Variants in IGF2BP3 observed in about 807,000 individuals in gnomAD.
IGF2BP3 encodes the protein insulin-like growth factor 2 mRNA-binding protein 3.
IGF2BP3 carries 9 observed loss-of-function variants against 73.8 expected under a neutral mutation model. The ratio of observed to expected loss-of-function variants is 0.12; its 90% CI spans 0.07 to 0.21. The LOEUF is 0.21. IGF2BP3 is among the 10% of genes least tolerant of loss of function. The probability of loss-of-function intolerance (pLI) is 1.00; values close to 1 mark genes in which losing one functional copy is unlikely to be tolerated. For missense variants in IGF2BP3, 542 were observed against 714.0 expected (o/e 0.76, Z 2.75); for synonymous variants, 258 against 256.7 (o/e 1.01, Z -0.05).
At chr7:23,462,496 G>T (rs12530654) in intron 2 of IGF2BP3, among the ~76,000 whole-genome samples, 1 of 151,808 alleles carries the variant, frequency 6.6e-6, no homozygotes, top group Non-Finnish European at 1.5e-5. Context: ...CGCGTAGCTG[G>T]GACTAAAGGC....
intron 3 of IGF2BP3, among the ~76,000 whole-genome samples, chr7:23,371,548 A>G (rs1785548673): frequency 6.6e-6 from 1 of 152,268 alleles, no homozygotes; most frequent in African/African-American, 2.4e-5. Context: ...ATATTTCTCT[A>G]AAATGTTAGC....
At chr7:23,332,741 T>A (rs1784474337) in intron 10 of IGF2BP3, among the ~76,000 whole-genome samples, 1 of 152,264 alleles carries the variant, frequency 6.6e-6, no homozygotes, top group South Asian at 2.1e-4. Flanking sequence ...TGGCCTTTTT[T>A]ATTTTATAAC....
chr7:23,391,519 C>T (rs1371293382), intron 3 of IGF2BP3, among the ~76,000 whole-genome samples: 1 of 152,166 alleles, frequency 6.6e-6, no homozygotes, highest in Non-Finnish European at 1.5e-5. Flanking sequence ...GGTTTAGACA[C>T]TCAGACTTTC....
At chr7:23,464,697 TAAATAAAAATAAAAATAA>T (rs553665310) in intron 2 of IGF2BP3, among the ~76,000 whole-genome samples, 2 of 147,118 alleles carry the variant, frequency 1.4e-5, no homozygotes, top group African/African-American at 2.5e-5. Context: ...AAAAAATAAA[TAAATAAAAATAAAAATAA>T]AAATAAAAAT....
At chr7:23,455,875 C>T (rs936297816) in intron 2 of IGF2BP3, among the ~76,000 whole-genome samples, 1 of 152,160 alleles carries the variant, frequency 6.6e-6, no homozygotes, top group Admixed American at 6.5e-5. Context: ...TTAGTAGAGA[C>T]GGGGTTTCAC....
chr7:23,381,824 C>T (rs975644861), intron 3 of IGF2BP3, among the ~76,000 whole-genome samples: 2 of 152,170 alleles, frequency 1.3e-5, no homozygotes, highest in East Asian at 1.9e-4. Context: ...CCACCTCGGT[C>T]GGCCTCCCAA....
At chr7:23,424,413 G>A (rs116863286) in intron 2 of IGF2BP3, among the ~76,000 whole-genome samples, 577 of 151,836 alleles carry the variant, frequency 3.8e-3, no homozygotes, top group Non-Finnish European at 6.3e-3. Context: ...CAGGAGAATC[G>A]CCTGAACCAG....
intron 2 of IGF2BP3, among the ~76,000 whole-genome samples, chr7:23,459,422 G>T (rs1258365692): frequency 6.6e-6 from 1 of 152,164 alleles, no homozygotes; most frequent in Non-Finnish European, 1.5e-5. Flanking sequence ...TTATGCCAGT[G>T]CCCTAAAATA....
chr7:23,398,348 C>T (rs1205542689), intron 3 of IGF2BP3, among the ~76,000 whole-genome samples: 6 of 152,154 alleles, frequency 3.9e-5, no homozygotes, highest in East Asian at 1.9e-4. Flanking sequence ...GTCTTTGCTA[C>T]TGTTAATAGT....
At chr7:23,368,320 G>GAGAAAGAAAAGAA in intron 3 of IGF2BP3, among the ~76,000 whole-genome samples, 1 of 78,188 alleles carries the variant, frequency 1.3e-5, no homozygotes, top group African/African-American at 5.2e-5. Flanking sequence ...GAAAGAGAGA[G>GAGAAAGAAAAGAA]AGAAAGAAAA....
intron 3 of IGF2BP3, among the ~76,000 whole-genome samples, chr7:23,388,460 G>A (rs939554867): frequency 2.6e-5 from 4 of 152,058 alleles, no homozygotes; most frequent in African/African-American, 9.7e-5. Context: ...ACTCTAAACA[G>A]CTAAAAAAGG....
intron 10 of IGF2BP3, among the ~76,000 whole-genome samples, chr7:23,330,142 C>T (rs1005175939): frequency 6.6e-6 from 1 of 151,824 alleles, no homozygotes. Context: ...AAAAATAAGC[C>T]AGGCATGGTG....
At chr7:23,408,720 T>C (rs1043307424) in intron 3 of IGF2BP3, among the ~76,000 whole-genome samples, 3 of 152,116 alleles carry the variant, frequency 2.0e-5, no homozygotes, top group African/African-American at 4.8e-5. Flanking sequence ...CCCAAAAGAA[T>C]TGAAAGCAGA....
Position 23,317,613 on chromosome 7 carries a change from C to T in IGF2BP3, c.1395+26G>A, listed in dbSNP as rs748569696. 5.1e-6 allele frequency: 8 copies of T among 1,575,452 alleles called. No homozygotes were observed. The East Asian group carries it at 1.8e-4, about 35-fold the overall frequency. The stretch of plus-strand genomic sequence containing the variant: ...TACCTGTGCATTTGTTACCTGTGGA[C>T]ATAGCACATACTCTAGAGCACATAC... On this transcript the variant is annotated intron_variant, in intron 12 of 14. Transcript: ENST00000258729.
At chr7:23,332,568 G>A (rs907277053) in intron 10 of IGF2BP3, among the ~76,000 whole-genome samples, 8 of 152,274 alleles carry the variant, frequency 5.3e-5, no homozygotes, top group African/African-American at 1.9e-4. Flanking sequence ...TGCACAGCTT[G>A]GCCAGATCAC....
At chr7:23,465,950 T>C (rs1382112719) in intron 2 of IGF2BP3, among the ~76,000 whole-genome samples, 1 of 151,802 alleles carries the variant, frequency 6.6e-6, no homozygotes. Flanking sequence ...AGTCCAGATA[T>C]AGGAAACTGC....
At position 23,469,036 on chromosome 7, in the gene IGF2BP3, C is replaced by T. The variant is rs1345443390; in HGVS notation, c.176-494G>A. Among the ~76,000 whole-genome samples, 1 of 152,224 alleles carries T rather than the reference C, an allele frequency of 6.6e-6. No homozygotes were observed. Among genetic ancestry groups the T allele is most frequent in the Non-Finnish European group, 1.5e-5 (1 of 68,030 alleles). On this transcript the variant is annotated intron_variant, in intron 1 of 14. Coordinates refer to ENST00000258729, the MANE Select transcript of IGF2BP3 (RefSeq NM_006547.3). The surrounding 1 kb of genome is among the most constrained non-coding windows in gnomAD (Gnocchi z 6.1). ...AAAGGGTCGGGGACGGCAGGGGAGACCACGAACGGGAGAACTGGCAGAGGC... is the reference window on the plus strand; with the variant it reads ...AAAGGGTCGGGGACGGCAGGGGAGATCACGAACGGGAGAACTGGCAGAGGC...
chr7:23,376,824 C>T (rs965354985), intron 3 of IGF2BP3, among the ~76,000 whole-genome samples: 4 of 152,198 alleles, frequency 2.6e-5, no homozygotes, highest in East Asian at 1.9e-4. Context: ...CCAAGATCAG[C>T]GTGGGCAACA....
At chr7:23,400,124 T>C (rs1786611715) in intron 3 of IGF2BP3, among the ~76,000 whole-genome samples, 1 of 152,204 alleles carries the variant, frequency 6.6e-6, no homozygotes, top group African/African-American at 2.4e-5. Flanking sequence ...AACATTTGTG[T>C]TTCCAATATC....
Sources: allele counts gnomAD v4.1 joint callset (sites outside exome capture counted in the v4.1 genomes callset), GRCh38; gene constraint gnomAD v4.1.1; non-coding constraint Gnocchi (gnomAD v3.1); transcripts MANE v1.5; gene names NCBI Gene and HGNC (gene_info 2026-07-23, HGNC 2026-07-21).